PEX5L: variants seen among roughly 807,000 people sequenced by gnomAD.
PEX5L encodes the protein peroxisomal biogenesis factor 5 like.
In PEX5L, 30 loss-of-function variants were observed where a neutral mutation model predicts 84.0. The ratio of observed to expected loss-of-function variants is 0.36; its 90% CI spans 0.27 to 0.48. The LOEUF (loss-of-function observed/expected upper bound fraction) is 0.48, where lower values mean the gene tolerates loss of function less well. Among genes scored for constraint, PEX5L ranks in the 20% least tolerant of loss-of-function variants. The probability of loss-of-function intolerance (pLI) is 0.99; values close to 1 mark genes in which losing one functional copy is unlikely to be tolerated. For missense variants in PEX5L, 533 were observed against 754.6 expected (o/e 0.71, Z 3.44); for synonymous variants, 270 against 283.1 (o/e 0.95, Z 0.46).
chr3:179,875,548 TGGGGTGAGGGTGGAGC>T, intron 5 of PEX5L, 71 bp from the exon 6 acceptor site: 1 of 1,004,320 alleles, frequency 1.0e-6, no homozygotes. Flanking sequence ...TGGCGGGGAG[TGGGGTGAGGGTGGAGC>T]GTGTGGTGCA....
At chr3:179,832,316 C>T (rs1028829122) in intron 8 of PEX5L, among the ~76,000 whole-genome samples, 1 of 151,980 alleles carries the variant, frequency 6.6e-6, no homozygotes, top group African/African-American at 2.4e-5. Flanking sequence ...AACTACCTGC[C>T]AACAAACCTT....
intron 2 of PEX5L, among the ~76,000 whole-genome samples, chr3:179,913,639 T>G (rs1479217265): frequency 6.6e-6 from 1 of 152,186 alleles, no homozygotes; most frequent in African/African-American, 2.4e-5. Context: ...CTTATTTTCT[T>G]AGAGAATATT....
At chr3:179,963,677 A>C (rs1782633220) in intron 2 of PEX5L, among the ~76,000 whole-genome samples, 1 of 152,212 alleles carries the variant, frequency 6.6e-6, no homozygotes, top group African/African-American at 2.4e-5. Flanking sequence ...AGCAGAGATT[A>C]ATGCCTTTTT....
chr3:180,007,971 T>C (rs1789078741), intron 1 of PEX5L, among the ~76,000 whole-genome samples: 1 of 152,204 alleles, frequency 6.6e-6, no homozygotes, highest in Non-Finnish European at 1.5e-5. Flanking sequence ...GTCTTGGGGA[T>C]TAACATTAGG....
chr3:179,800,873 C>T lies in PEX5L; in HGVS notation c.*955G>A, dbSNP rs928133694. On this transcript the variant is annotated 3_prime_UTR_variant, in exon 15 of 15. Transcript: ENST00000467460. ...TGACACTTAAGCAAGTTAATTTGAA[C>T]TCAATAGAAATCACGATACCATCAA... 6.6e-6 allele frequency: 1 copy of T among 152,180 alleles called. No individual in the cohort carries two copies. The highest frequency in any genetic ancestry group is 1.5e-5 in the Non-Finnish European group (1 of 68,024). 9.4% of individuals were successfully genotyped at this position (152,180 alleles called of 1,614,324 possible). A position where few individuals can be genotyped will look rare whatever the true frequency, so the allele number is the denominator to read the frequency against.
At chr3:179,835,923 G>T (rs893292049) in intron 8 of PEX5L, among the ~76,000 whole-genome samples, 4 of 152,076 alleles carry the variant, frequency 2.6e-5, no homozygotes, top group African/African-American at 9.7e-5. Flanking sequence ...ATTTCATTTA[G>T]GTATCTGTAT....
At chr3:179,873,944 T>A (rs1343556477) in intron 7 of PEX5L, among the ~76,000 whole-genome samples, 1 of 152,152 alleles carries the variant, frequency 6.6e-6, no homozygotes, top group Non-Finnish European at 1.5e-5. Flanking sequence ...CCACAGGGCA[T>A]AGGTGTGAAT....
chr3:179,843,956 A>G (rs1738263072), intron 8 of PEX5L, among the ~76,000 whole-genome samples: 1 of 152,208 alleles, frequency 6.6e-6, no homozygotes, highest in Admixed American at 6.5e-5. Context: ...GTAATGAGGC[A>G]GAGACCAGGT....
At chr3:179,942,688 C>T (rs1776480716) in intron 2 of PEX5L, among the ~76,000 whole-genome samples, 1 of 152,206 alleles carries the variant, frequency 6.6e-6, no homozygotes, top group Non-Finnish European at 1.5e-5. Context: ...CAGAGTTCAC[C>T]TGTCAACTGA....
At chr3:179,937,343 A>T (rs1041700498) in intron 2 of PEX5L, among the ~76,000 whole-genome samples, 2 of 152,192 alleles carry the variant, frequency 1.3e-5, no homozygotes. Context: ...AGTAGGAGAG[A>T]CAGCATGCGG....
At chr3:180,006,712 G>T (rs1239420843) in intron 1 of PEX5L, among the ~76,000 whole-genome samples, 2 of 152,138 alleles carry the variant, frequency 1.3e-5, no homozygotes, top group South Asian at 4.1e-4. Context: ...TTACATTTTG[G>T]CAGCAAGAGA....
At position 179,800,858 on chromosome 3, in the gene PEX5L, G is replaced by A. The variant is rs984131162; in HGVS notation, c.*970C>T. 1.3e-5 allele frequency: 2 copies of A among 152,288 alleles called. No individual in the cohort carries two copies. Among genetic ancestry groups the A allele is most frequent in the East Asian group, 3.9e-4 (2 of 5,184 alleles). The allele number at this position is 152,288 out of a possible 1,614,324, so 9.4% of individuals were successfully genotyped here. On this transcript the variant is annotated 3_prime_UTR_variant, in exon 15 of 15. Coordinates refer to ENST00000467460, the MANE Select transcript of PEX5L (RefSeq NM_016559.3). Reference sequence around the variant, plus strand: ...AAAGCCAGTAAAGTATGACACTTAAGCAAGTTAATTTGAACTCAATAGAAA... The same window carrying A: ...AAAGCCAGTAAAGTATGACACTTAAACAAGTTAATTTGAACTCAATAGAAA...
chr3:179,807,600 G>A, intron 14 of PEX5L, 74 bp downstream of exon 14: 1 of 1,433,552 alleles, frequency 7.0e-7, no homozygotes, highest in Non-Finnish European at 9.6e-7. Context: ...ATTTTTACTT[G>A]GAAACAACCT....
At chr3:179,831,671 A>AGGTG (rs1733002763) in intron 8 of PEX5L, among the ~76,000 whole-genome samples, 1 of 152,022 alleles carries the variant, frequency 6.6e-6, no homozygotes, top group African/African-American at 2.4e-5. Flanking sequence ...AGAGAACCCA[A>AGGTG]CCTAGACTTA....
At chr3:179,904,189 C>T (rs563375124) in intron 2 of PEX5L, among the ~76,000 whole-genome samples, 133 of 152,278 alleles carry the variant, frequency 8.7e-4, no homozygotes, top group Non-Finnish European at 1.7e-3. Context: ...TGTATTTCTC[C>T]CTTACTGTCT....
chr3:179,822,644 T>C (rs1418108632), intron 8 of PEX5L, among the ~76,000 whole-genome samples: 1 of 152,222 alleles, frequency 6.6e-6, no homozygotes, highest in Non-Finnish European at 1.5e-5. Context: ...CTGAAACATA[T>C]CTGAATTTTA....
chr3:179,883,780 G>A (rs565771130), intron 4 of PEX5L, among the ~76,000 whole-genome samples: 6 of 150,082 alleles, frequency 4.0e-5, no homozygotes, highest in East Asian at 1.9e-4. Flanking sequence ...GCAAAACTCC[G>A]TCTCAAAAAA....
chr3:179,928,814 A>G (rs1425398156), intron 2 of PEX5L, among the ~76,000 whole-genome samples: 1 of 152,188 alleles, frequency 6.6e-6, no homozygotes, highest in Non-Finnish European at 1.5e-5. Flanking sequence ...CTGGAGCACA[A>G]GCCCCAGTTT....
intron 2 of PEX5L, among the ~76,000 whole-genome samples, chr3:179,920,062 G>C (rs1768770051): frequency 6.6e-6 from 1 of 152,192 alleles, no homozygotes; most frequent in South Asian, 2.1e-4. Flanking sequence ...TCTGTGCAGA[G>C]ACACCTGGCA....
Sources: allele counts gnomAD v4.1 joint callset (sites outside exome capture counted in the v4.1 genomes callset), GRCh38; gene constraint gnomAD v4.1.1; transcripts MANE v1.5; gene names NCBI Gene and HGNC (gene_info 2026-07-23, HGNC 2026-07-21).